The following KIAA1217 variants were observed in gnomAD, a reference collection of about 807,000 sequenced individuals.
KIAA1217 encodes the protein sickle tail protein homolog.
A neutral mutation model predicts 163.9 loss-of-function variants in KIAA1217; 88 were observed. The ratio of observed to expected loss-of-function variants is 0.54; its 90% CI spans 0.45 to 0.64. The LOEUF (loss-of-function observed/expected upper bound fraction) is 0.64, where lower values mean the gene tolerates loss of function less well. Ranked by LOEUF, KIAA1217 falls within the 30% of genes least tolerant of loss-of-function variation. KIAA1217 has a pLI of 0.00. For synonymous variants in KIAA1217, 903 were observed against 923.1 expected, an observed-to-expected ratio of 0.98 and a Z score of 0.39; for missense variants, 2,372 against 2,475.0, an observed-to-expected ratio of 0.96 and a Z score of 0.88.
At chr10:24,199,294 C>T (rs2067137904) in intron 2 of KIAA1217, among the ~76,000 whole-genome samples, 1 of 152,154 alleles carries the variant, frequency 6.6e-6, no homozygotes, top group South Asian at 2.1e-4. Context: ...ATTTACTATA[C>T]AGGATGTAAG....
chr10:24,090,336 T>TTG lies in KIAA1217; in HGVS notation c.-171+82963_-171+82964insGT, dbSNP rs1328943676. On this transcript the variant is annotated intron_variant, in intron 2 of 18. Transcript: ENST00000376462. Reference sequence around the variant, plus strand: ...CATGCACCCTCACATCCTGCTCTTTTTTTTTTTTTTTTTTTTTTTTTTTTG... The same window carrying TTG: ...CATGCACCCTCACATCCTGCTCTTTTTGTTTTTTTTTTTTTTTTTTTTTTTTG... 4.6e-3 allele frequency among the ~76,000 whole-genome samples: 541 copies of TTG among 116,960 alleles called. 10 individuals are homozygous for TTG. Among genetic ancestry groups the TTG allele is most frequent in the South Asian group, 0.011 (36 of 3,338 alleles). 76.7% of individuals were successfully genotyped at this position (116,960 alleles called of 152,430 possible). A position where few individuals can be genotyped will look rare whatever the true frequency, so the allele number is the denominator to read the frequency against.
intron 5 of KIAA1217, among the ~76,000 whole-genome samples, chr10:24,469,041 A>G (rs2063223076): frequency 6.6e-6 from 1 of 152,216 alleles, no homozygotes; most frequent in Admixed American, 6.5e-5. Flanking sequence ...ATGAATTTAA[A>G]TAAATTTTAC....
intron 2 of KIAA1217, among the ~76,000 whole-genome samples, chr10:24,222,556 G>T (rs1017486149): frequency 6.6e-6 from 1 of 152,020 alleles, no homozygotes; most frequent in Non-Finnish European, 1.5e-5. Context: ...GTACAGTGGC[G>T]CAATCTTGGC....
chr10:23,837,351 C>T (rs1391050902), intron 1 of KIAA1217, among the ~76,000 whole-genome samples: 3 of 152,118 alleles, frequency 2.0e-5, no homozygotes, highest in Admixed American at 2.0e-4. Context: ...CAACCCAGTT[C>T]CCTGCCTTCT....
At chr10:23,722,057 G>A (rs768503640) in intron 1 of KIAA1217, among the ~76,000 whole-genome samples, 13 of 152,052 alleles carry the variant, frequency 8.5e-5, no homozygotes, top group South Asian at 2.1e-4. Flanking sequence ...AATGAACCTC[G>A]AAAAACTTAT....
At chr10:23,982,759 T>C (rs12258937) in intron 1 of KIAA1217, among the ~76,000 whole-genome samples, 13,747 of 151,976 alleles carry the variant, frequency 0.09, 1,500 homozygotes, top group African/African-American at 0.26. Context: ...AGACAGGGTT[T>C]CAGCAGGTTG....
At chr10:24,070,633 G>A (rs553387297) in intron 2 of KIAA1217, among the ~76,000 whole-genome samples, 1 of 152,296 alleles carries the variant, frequency 6.6e-6, no homozygotes, top group South Asian at 2.1e-4. Flanking sequence ...AAACCCAAAA[G>A]TTAAAAGTCT....
chr10:24,452,886 A>C (rs2061494248), intron 5 of KIAA1217, among the ~76,000 whole-genome samples: 2 of 152,206 alleles, frequency 1.3e-5, no homozygotes, highest in South Asian at 4.1e-4. Flanking sequence ...GCTGTATCAA[A>C]ATATCTCATG....
intron 2 of KIAA1217, among the ~76,000 whole-genome samples, chr10:24,198,613 G>A (rs1012076622): frequency 6.6e-6 from 1 of 151,380 alleles, no homozygotes; most frequent in African/African-American, 2.4e-5. Context: ...ATTTACTCAG[G>A]ATCTGTGTGT....
chr10:23,882,282 G>A (rs1840984423), intron 1 of KIAA1217, among the ~76,000 whole-genome samples: 1 of 151,874 alleles, frequency 6.6e-6, no homozygotes, highest in Non-Finnish European at 1.5e-5. Flanking sequence ...ATTGTGTGAA[G>A]ACACCCTCAG....
chr10:24,135,819 C>T (rs2063811896), intron 2 of KIAA1217, among the ~76,000 whole-genome samples: 1 of 152,140 alleles, frequency 6.6e-6, no homozygotes, highest in South Asian at 2.1e-4. Flanking sequence ...TTCTAAGTGA[C>T]ACCTCACTTA....
chr10:23,852,569 G>T (rs979355993), intron 1 of KIAA1217, among the ~76,000 whole-genome samples: 1 of 152,184 alleles, frequency 6.6e-6, no homozygotes, highest in African/African-American at 2.4e-5. Context: ...TTGGTAGCTT[G>T]ATGGGGATGC....
chr10:24,330,316 A>G (rs2045508387), intron 2 of KIAA1217, among the ~76,000 whole-genome samples: 1 of 151,852 alleles, frequency 6.6e-6, no homozygotes, highest in Non-Finnish European at 1.5e-5. Flanking sequence ...AAAAAAAAAA[A>G]AGAATAGGTA....
chr10:24,282,323 C>A (rs1313905167), intron 2 of KIAA1217, among the ~76,000 whole-genome samples: 2 of 151,980 alleles, frequency 1.3e-5, no homozygotes, highest in Non-Finnish European at 2.9e-5. Context: ...TCACACACAC[C>A]CCCACCTCTT....
Position 23,889,023 on chromosome 10 carries a change from A to C in KIAA1217, c.-320-118202A>C, listed in dbSNP as rs1841308630. 2.0e-5 allele frequency among the ~76,000 whole-genome samples: 3 copies of C among 151,878 alleles called. No individual in the cohort carries two copies. In the South Asian group the frequency reaches 6.2e-4, roughly 31 times the overall value. ...CATCCATTTGTGGCAAGTATCAATCATCTGTTCCTTTTCATTGCTAAATAG... is the reference window on the plus strand; with the variant it reads ...CATCCATTTGTGGCAAGTATCAATCCTCTGTTCCTTTTCATTGCTAAATAG... On this transcript the variant is annotated intron_variant, in intron 1 of 18. Coordinates refer to the KIAA1217 transcript ENST00000376462.
In KIAA1217 at chr10:23,913,152, A is replaced by T. The variant is rs529873950; in HGVS notation, c.-320-94073A>T. On this transcript the variant is annotated intron_variant, in intron 1 of 18. Coordinates refer to the KIAA1217 transcript ENST00000376462. ...TTACAGTGACGTGTGACAGCCAGCCAAAAGTCTTAATGGAGACCTTGCTTT... is the reference window on the plus strand; with the variant it reads ...TTACAGTGACGTGTGACAGCCAGCCTAAAGTCTTAATGGAGACCTTGCTTT... Among the ~76,000 whole-genome samples the T allele has an allele frequency of 3.9e-5, 6 of 152,282 alleles. No homozygotes were observed. In the South Asian group the frequency reaches 1.2e-3, roughly 32 times the overall value.
chr10:24,524,829 A>C, intron 13 of KIAA1217, 65 bp downstream of exon 13: 1 of 1,336,992 alleles, frequency 7.5e-7, no homozygotes, highest in Non-Finnish European at 1.0e-6. Context: ...CTTTCCCTTA[A>C]AGCATTTATA....
At chr10:24,182,795 A>T (rs1480977860) in intron 2 of KIAA1217, among the ~76,000 whole-genome samples, 2 of 152,162 alleles carry the variant, frequency 1.3e-5, no homozygotes, top group African/African-American at 4.8e-5. Flanking sequence ...CTCCTGGTAA[A>T]CATGTTTGGA....
At chr10:24,379,126 T>TG (rs2052944515) in intron 2 of KIAA1217, among the ~76,000 whole-genome samples, 1 of 105,754 alleles carries the variant, frequency 9.5e-6, no homozygotes, top group Admixed American at 8.3e-5. Context: ...TCTACCTTCT[T>TG]TAAAAAAAAA....
Sources: allele counts gnomAD v4.1 joint callset (sites outside exome capture counted in the v4.1 genomes callset), GRCh38; gene constraint gnomAD v4.1.1; transcripts MANE v1.5; gene names NCBI Gene and HGNC (gene_info 2026-07-23, HGNC 2026-07-21).